PUM1: variants seen among roughly 807,000 people sequenced by gnomAD.
The protein encoded by PUM1 is pumilio homolog 1.
In PUM1, 13 loss-of-function variants were observed where a neutral mutation model predicts 131.8. That is an observed-to-expected ratio of 0.10 (90% CI 0.06 to 0.16). The LOEUF is 0.16. PUM1 is among the 10% of genes least tolerant of loss of function. The pLI is 1.00. For synonymous variants in PUM1, 509 were observed against 556.5 expected (o/e 0.91, Z 1.20); for missense variants, 961 against 1,512.4 (o/e 0.64, Z 6.05).
intron 14 of PUM1, among the ~76,000 whole-genome samples, chr1:30,955,464 GA>G (rs201119840): frequency 0.096 from 11,699 of 122,038 alleles, 671 homozygotes; most frequent in East Asian, 0.35. Flanking sequence ...GACTCCATCT[GA>G]AAAAAAAAAA....
Position 30,945,195 on chromosome 1 carries a change from C to T in PUM1, c.2994+151G>A, listed in dbSNP as rs574000808. ...GCTGTAGTGAGCCGTGATGGTGCCA[C>T]TGCACTCCAGCCTGGGCAACAGAGT... On this transcript the variant is annotated intron_variant, in intron 18 of 21. Coordinates refer to ENST00000426105, the MANE Select transcript of PUM1 (RefSeq NM_001020658.2). The T allele has an allele frequency of 4.8e-6, 4 of 841,408 alleles. No homozygotes were observed. The South Asian group carries it at 5.2e-5, about 11-fold the overall frequency. The allele number at this position is 841,408 out of a possible 1,614,324, so 52.1% of individuals were successfully genotyped here.
chr1:30,954,093 C>T, intron 14 of PUM1, 112 bp from the exon 15 acceptor site: 1 of 1,177,030 alleles, frequency 8.5e-7, no homozygotes, highest in Non-Finnish European at 1.2e-6. Flanking sequence ...TTCTTCAATG[C>T]TGTTGTTTTT....
chr1:30,980,120 G>A lies in PUM1; in HGVS notation c.1296C>T (p.Ser432=), dbSNP rs773092807. ...AAFVPNPYII[S]AAPPGTDPYT... is the part of the protein sequence containing the mutation. ...AGGGGTCCGTCCCTGGGGGAGCAGC[G>A]CTGATGATGTATGGATTGGGGACAA... Residue 432 remains serine (S), a synonymous_variant, in exon 9 of 22, where the codon AGC becomes AGT. Coordinates refer to ENST00000426105, the MANE Select transcript of PUM1 (RefSeq NM_001020658.2). 11 of 1,614,002 alleles carry A rather than the reference G, an allele frequency of 6.8e-6. No homozygotes were observed. The highest frequency in any genetic ancestry group is 1.1e-5 in the South Asian group (1 of 91,070).
At chr1:31,021,545 A>T (rs1009642612) in intron 3 of PUM1, among the ~76,000 whole-genome samples, 1 of 152,226 alleles carries the variant, frequency 6.6e-6, no homozygotes, top group Non-Finnish European at 1.5e-5. Context: ...AAACTTTTGT[A>T]TGAGAAAAAA....
chr1:31,022,733 A>G (rs1390173428), intron 3 of PUM1, among the ~76,000 whole-genome samples: 1 of 152,222 alleles, frequency 6.6e-6, no homozygotes, highest in Non-Finnish European at 1.5e-5. Flanking sequence ...GCCATCTACC[A>G]AGATCTTGTT....
intron 3 of PUM1, among the ~76,000 whole-genome samples, chr1:31,014,560 G>T (rs1250337221): frequency 6.6e-6 from 1 of 151,948 alleles, no homozygotes; most frequent in Non-Finnish European, 1.5e-5. Flanking sequence ...GGCTGAGGCG[G>T]GCGGATTGCT....
chr1:30,992,418 C>T lies in PUM1; in HGVS notation c.1130G>A (p.Gly377Glu). ...VPVDSAAATV[G>E]LFDYNSQQQL... ...TTGTTGAGAATTGTAGTCAAAAAGTCCCACAGTTGCTGCTGCTGAGTCCAC... is the reference window on the plus strand; with the variant it reads ...TTGTTGAGAATTGTAGTCAAAAAGTTCCACAGTTGCTGCTGCTGAGTCCAC... Residue 377 changes from glycine to glutamate, a missense_variant, in exon 7 of 22, where the codon GGA becomes GAA. Around this residue, in one of 4 missense-constraint regions of PUM1, gnomAD observed 654 missense variants for 923.9 expected, o/e 0.71. Transcript: ENST00000426105. The T allele has an allele frequency of 6.2e-7, 1 of 1,614,120 alleles. No homozygotes were observed.
intron 2 of PUM1, among the ~76,000 whole-genome samples, chr1:31,054,715 T>C (rs1644198680): frequency 6.6e-6 from 1 of 152,188 alleles, no homozygotes; most frequent in Admixed American, 6.5e-5. Flanking sequence ...TTACTGCTTT[T>C]GGGAGTTGGG....
Position 30,941,223 on chromosome 1 carries a change from G to A in PUM1, c.3170C>T (p.Pro1057Leu). ...TGCTACAATTTTGCTTTTATCCTCA[G>A]GACGACCGTGCTCCAGTACATGTTG... ...VIQHVLEHGR[P>L]EDKSKIVAEI... Residue 1057 changes from proline (P) to leucine (L), a missense_variant, in exon 20 of 22, where the codon CCT becomes CTT. Coordinates refer to ENST00000426105, the MANE Select transcript of PUM1 (RefSeq NM_001020658.2). The A allele has an allele frequency of 6.2e-7, 1 of 1,612,556 alleles. No homozygotes were observed. Among genetic ancestry groups the A allele is most frequent in the Non-Finnish European group, 8.5e-7 (1 of 1,178,738 alleles).
At chr1:30,964,053 C>G (rs924465066) in intron 14 of PUM1, among the ~76,000 whole-genome samples, 1 of 152,060 alleles carries the variant, frequency 6.6e-6, no homozygotes, top group Non-Finnish European at 1.5e-5. Context: ...GCTTGGGATC[C>G]TCTTTTTCTC....
intron 14 of PUM1, among the ~76,000 whole-genome samples, chr1:30,960,005 A>G (rs1212009545): frequency 6.6e-6 from 1 of 152,168 alleles, no homozygotes; most frequent in Non-Finnish European, 1.5e-5. Flanking sequence ...AACTTTCTCA[A>G]CCTAATAAAG....
At chr1:30,992,870 C>T (rs1641843074) in intron 6 of PUM1, among the ~76,000 whole-genome samples, 1 of 152,140 alleles carries the variant, frequency 6.6e-6, no homozygotes, top group African/African-American at 2.4e-5. Flanking sequence ...TATAACTCAC[C>T]CCTTAAATTC....
At chr1:31,047,121 G>A (rs548813500) in intron 2 of PUM1, among the ~76,000 whole-genome samples, 574 of 152,250 alleles carry the variant, frequency 3.8e-3, no homozygotes, top group Admixed American at 5.2e-3. Flanking sequence ...CCCGGGAGGT[G>A]GAAGCTGTGG....
intron 5 of PUM1, among the ~76,000 whole-genome samples, chr1:30,998,510 G>A (rs570933151): frequency 6.6e-5 from 10 of 152,254 alleles, no homozygotes; most frequent in African/African-American, 2.2e-4. Context: ...TGGGCAAGGT[G>A]GCATGCGCCT....
At chr1:30,973,705 T>C (rs970957242) in intron 10 of PUM1, among the ~76,000 whole-genome samples, 14 of 152,232 alleles carry the variant, frequency 9.2e-5, no homozygotes, top group Admixed American at 4.6e-4. Flanking sequence ...AAATAACAGA[T>C]ACCAAACATA....
intron 7 of PUM1, among the ~76,000 whole-genome samples, chr1:30,983,751 G>A (rs777903195): frequency 1.7e-4 from 25 of 144,042 alleles, no homozygotes; most frequent in Non-Finnish European, 3.0e-4. Context: ...ATGTCACCAC[G>A]CCTGGCATTT....
intron 21 of PUM1, among the ~76,000 whole-genome samples, chr1:30,935,032 C>T (rs1384731473): frequency 2.0e-5 from 3 of 152,222 alleles, no homozygotes; most frequent in African/African-American, 7.2e-5. Flanking sequence ...CTAAGCCCTA[C>T]CAATTCTAGC....
rs1004799449 is a variant in PUM1 at position 30,990,667 on chromosome 1, G to A, written c.1158+1723C>T. On this transcript the variant is annotated intron_variant, in intron 7 of 21. Transcript: ENST00000426105. ...TCCCAGGTATGCTATTAGGGCCCCC[G>A]GTACAAGAATGTATAAAACAAACTA... Among the ~76,000 whole-genome samples, 5 of 151,500 alleles carry A rather than the reference G, an allele frequency of 3.3e-5. No homozygotes were observed. The East Asian group carries it at 7.8e-4, about 24-fold the overall frequency.
At chr1:31,055,470 T>G (rs1017027981) in intron 2 of PUM1, 3 of 444,196 alleles carry the variant, frequency 6.8e-6, no homozygotes, top group African/African-American at 6.0e-5. Context: ...TACAATACAC[T>G]ATAATGACTA....
Sources: allele counts gnomAD v4.1 joint callset (sites outside exome capture counted in the v4.1 genomes callset), GRCh38; gene constraint gnomAD v4.1.1; regional missense constraint gnomAD v4.1.1; transcripts MANE v1.5; gene names NCBI Gene and HGNC (gene_info 2026-07-23, HGNC 2026-07-21).